GNAQ: variants seen among roughly 807,000 people sequenced by gnomAD.
The protein encoded by GNAQ is guanine nucleotide-binding protein G(q) subunit alpha.
GNAQ carries 8 observed loss-of-function variants against 43.9 expected under a neutral mutation model. The ratio of observed to expected loss-of-function variants is 0.18; its 90% CI spans 0.11 to 0.33. GNAQ has a LOEUF of 0.33. Ranked by LOEUF, GNAQ falls within the 10% of genes least tolerant of loss-of-function variation. The pLI is 1.00. For synonymous variants in GNAQ, 155 were observed against 170.7 expected (o/e 0.91, Z 0.71); for missense variants, 158 against 450.8 (o/e 0.35, Z 5.88).
chr9:77,963,171 G>T (rs1257813702), intron 1 of GNAQ, among the ~76,000 whole-genome samples: 1 of 152,104 alleles, frequency 6.6e-6, no homozygotes, highest in Non-Finnish European at 1.5e-5. Context: ...ATGCCCCAAA[G>T]AAATCAGCAG....
At chr9:78,003,581 G>A (rs542502086) in intron 1 of GNAQ, among the ~76,000 whole-genome samples, 14 of 152,226 alleles carry the variant, frequency 9.2e-5, no homozygotes, top group African/African-American at 2.2e-4. Context: ...TTGGGAGGCC[G>A]AGGCGGGCAG....
chr9:77,999,374 T>G (rs2118545962), intron 1 of GNAQ, among the ~76,000 whole-genome samples: 2 of 152,342 alleles, frequency 1.3e-5, no homozygotes, highest in Middle Eastern at 6.8e-3. Flanking sequence ...TTCCCCTCTC[T>G]TCTGCTAAAC....
chr9:77,767,275 A>C (rs1325134576), intron 5 of GNAQ, among the ~76,000 whole-genome samples: 1 of 152,042 alleles, frequency 6.6e-6, no homozygotes, highest in Non-Finnish European at 1.5e-5. Context: ...TGTGTGCCGC[A>C]AGAGGTTCAG....
chr9:77,743,873 C>G (rs1825692444), intron 5 of GNAQ, among the ~76,000 whole-genome samples: 1 of 152,200 alleles, frequency 6.6e-6, no homozygotes, highest in African/African-American at 2.4e-5. Flanking sequence ...CACTGGAAGT[C>G]AGAAACTCAA....
At chr9:77,893,135 G>C (rs1355010759) in intron 2 of GNAQ, among the ~76,000 whole-genome samples, 1 of 152,182 alleles carries the variant, frequency 6.6e-6, no homozygotes. Flanking sequence ...AAATGAGGCT[G>C]AGACTACTGG....
intron 5 of GNAQ, among the ~76,000 whole-genome samples, chr9:77,794,085 C>A (rs1393497690): frequency 6.6e-6 from 1 of 152,118 alleles, no homozygotes; most frequent in African/African-American, 2.4e-5. Context: ...ATCACACAAA[C>A]AATGATTTAA....
chr9:77,790,163 G>A (rs539866669), intron 5 of GNAQ, among the ~76,000 whole-genome samples: 33 of 152,264 alleles, frequency 2.2e-4, no homozygotes, highest in African/African-American at 5.8e-4. Context: ...CGATAAAGGC[G>A]GGCTTGATTC....
intron 5 of GNAQ, among the ~76,000 whole-genome samples, chr9:77,766,790 C>T (rs568606180): frequency 2.0e-5 from 3 of 152,272 alleles, no homozygotes; most frequent in South Asian, 2.1e-4. Context: ...AAGGGAAGGA[C>T]AGTCTATAAG....
chr9:77,985,750 C>T (rs534828683), intron 1 of GNAQ, among the ~76,000 whole-genome samples: 30 of 152,052 alleles, frequency 2.0e-4, no homozygotes, highest in Middle Eastern at 6.8e-3. Flanking sequence ...CCACACCCGG[C>T]TAATTTTTTG....
At chr9:77,941,195 AT>A (rs1365536096) in intron 1 of GNAQ, among the ~76,000 whole-genome samples, 10 of 152,164 alleles carry the variant, frequency 6.6e-5, no homozygotes, top group African/African-American at 2.4e-4. Flanking sequence ...CTATACACCA[AT>A]GTGAGAAATA....
In GNAQ at chr9:77,821,612, C is replaced by A. The variant is rs75891571; in HGVS notation, c.322-5842G>T. On this transcript the variant is annotated intron_variant, in intron 2 of 6. Transcript: ENST00000286548. ...TTGATATAATTACATAATTCCATTA[C>A]AAAGAACACTGCCTTCAGGTCTATA... Among the ~76,000 whole-genome samples, 5 of 152,094 alleles carry A rather than the reference C, an allele frequency of 3.3e-5. No homozygotes were observed. In the South Asian group the frequency reaches 1.0e-3, roughly 32 times the overall value.
chr9:78,023,979 A>AACATTAGTT (rs1352612774), intron 1 of GNAQ, among the ~76,000 whole-genome samples: 1 of 152,152 alleles, frequency 6.6e-6, no homozygotes, highest in African/African-American at 2.4e-5. Context: ...TGGCATTAGT[A>AACATTAGTT]ACATTTTCGT....
chr9:77,958,815 C>G (rs752608953), intron 1 of GNAQ, among the ~76,000 whole-genome samples: 3 of 152,144 alleles, frequency 2.0e-5, no homozygotes, highest in Non-Finnish European at 4.4e-5. Flanking sequence ...GTACCACCAG[C>G]TATGCAAAAC....
intron 1 of GNAQ, among the ~76,000 whole-genome samples, chr9:78,014,233 C>T (rs190240626): frequency 7.2e-5 from 11 of 152,176 alleles, no homozygotes; most frequent in East Asian, 1.9e-4. Flanking sequence ...AGAAATCAGA[C>T]GCCAATACAC....
intron 2 of GNAQ, among the ~76,000 whole-genome samples, chr9:77,902,007 G>A (rs187747429): frequency 2.4e-4 from 36 of 152,132 alleles, no homozygotes; most frequent in African/African-American, 7.5e-4. Flanking sequence ...CAAAGGCCCC[G>A]CCTCCCAATA....
intron 1 of GNAQ, among the ~76,000 whole-genome samples, chr9:77,970,805 A>C (rs890733224): frequency 4.0e-5 from 6 of 151,696 alleles, no homozygotes; most frequent in Non-Finnish European, 8.8e-5. Flanking sequence ...GAACTGAAGG[A>C]GATACAGACA....
intron 2 of GNAQ, among the ~76,000 whole-genome samples, chr9:77,822,898 T>A (rs1201765963): frequency 6.6e-6 from 1 of 151,624 alleles, no homozygotes; most frequent in African/African-American, 2.4e-5. Flanking sequence ...TACCTCTTTA[T>A]CCTATGAAAA....
At chr9:77,876,975 T>G (rs1232664888) in intron 2 of GNAQ, among the ~76,000 whole-genome samples, 1 of 151,886 alleles carries the variant, frequency 6.6e-6, no homozygotes, top group Non-Finnish European at 1.5e-5. Context: ...CAGACGGCCA[T>G]ATCTATTATT....
chr9:77,760,709 T>C (rs564557901), intron 5 of GNAQ, among the ~76,000 whole-genome samples: 2 of 149,730 alleles, frequency 1.3e-5, no homozygotes, highest in African/African-American at 5.0e-5. Flanking sequence ...GGCTGCCCAG[T>C]CTGGAAAGTG....
Sources: allele counts gnomAD v4.1 joint callset (sites outside exome capture counted in the v4.1 genomes callset), GRCh38; gene constraint gnomAD v4.1.1; transcripts MANE v1.5; gene names NCBI Gene and HGNC (gene_info 2026-07-23, HGNC 2026-07-21).